Variants in FKBP8 observed in about 807,000 individuals in gnomAD.
FKBP8 encodes the protein peptidyl-prolyl cis-trans isomerase FKBP8.
FKBP8 carries 5 observed loss-of-function variants against 41.7 expected under a neutral mutation model. The observed-to-expected ratio is 0.12, with a 90% CI of 0.06 to 0.25. The LOEUF (loss-of-function observed/expected upper bound fraction) is 0.25. Among genes scored for constraint, FKBP8 ranks in the 10% least tolerant of loss-of-function variants. The pLI is 1.00. For missense variants in FKBP8, 397 were observed against 563.0 expected, an observed-to-expected ratio of 0.71 and a Z score of 2.98; for synonymous variants, 279 against 254.5, an observed-to-expected ratio of 1.10 and a Z score of -0.92.
chr19:18,533,890 T>C (rs1976507560), intron 6 of FKBP8, among the ~76,000 whole-genome samples: 1 of 145,850 alleles, frequency 6.9e-6, no homozygotes, highest in Non-Finnish European at 1.5e-5. Flanking sequence ...CGCCTGATAG[T>C]CCCAGCTACT....
rs373743165 is a variant in FKBP8, at chr19:18,539,587, C to T, written c.426G>A (p.Glu142=). The T allele has an allele frequency of 1.2e-6, 2 of 1,613,156 alleles. No homozygotes were observed. Among genetic ancestry groups the T allele is most frequent in the African/African-American group, 1.3e-5 (1 of 74,954 alleles). The part of the protein sequence containing the change: ...ENGTRVQEEP[E]LVFTLGDCDV... ...CACAGTCACCCAGAGTGAACACCAGCTCCGGCTCCTCCTGCACCCGTGTGC... is the reference window on the plus strand; with the variant it reads ...CACAGTCACCCAGAGTGAACACCAGTTCCGGCTCCTCCTGCACCCGTGTGC... Residue 142 remains glutamate (E), a synonymous_variant, in exon 3 of 9, where the codon GAG becomes GAA. Transcript: ENST00000608443.
intron 6 of FKBP8, among the ~76,000 whole-genome samples, chr19:18,535,514 A>AT (rs1976552495): frequency 6.6e-6 from 1 of 151,954 alleles, no homozygotes; most frequent in Admixed American, 6.6e-5. Flanking sequence ...GCTCACGCCT[A>AT]TAATCCCAGC....
rs779707759 is a variant in FKBP8 at position 18,539,350 on chromosome 19, C to A, written c.551+21G>T. 2.5e-6 allele frequency: 4 copies of A among 1,605,380 alleles called. No homozygotes were observed. The East Asian group carries it at 6.7e-5, about 27-fold the overall frequency. On this transcript the variant is annotated intron_variant, in intron 4 of 8. Coordinates refer to ENST00000608443, the MANE Select transcript of FKBP8 (RefSeq NM_012181.5). ...TCCCCCTCCTGAGACCTGCAGAGAC[C>A]TAAGGGTGGCTGACTCTCACCTGCC... is the stretch of plus-strand genomic sequence containing the variant.
chr19:18,532,051 C>A lies in FKBP8; in HGVS notation c.*118G>T. 2 of 893,962 alleles carry A rather than the reference C, an allele frequency of 2.2e-6. No individual in the cohort carries two copies. 55.4% of individuals were successfully genotyped at this position (893,962 alleles called of 1,614,324 possible). On this transcript the variant is annotated 3_prime_UTR_variant, in exon 9 of 9. Coordinates refer to ENST00000608443, the MANE Select transcript of FKBP8 (RefSeq NM_012181.5). The stretch of plus-strand genomic sequence containing the variant: ...GGCTGCACGACCCCCAATCCTTGCT[C>A]CCCTAACCCGGAGGAGGGGGCCAGA...
rs995245294 is a variant in FKBP8 at position 18,538,998 on chromosome 19, T to A, written c.551+373A>T. ...CCTGGCTAATTTTTTGTATTTTTAG[T>A]AGAGACGGGGTTTCACCGTGCTAGC... On this transcript the variant is annotated intron_variant, in intron 4 of 8. Transcript: ENST00000608443. This position sits in a 1 kb window ranked among gnomAD's most constrained non-coding sequence, Gnocchi z 4.0. 6.6e-6 allele frequency among the ~76,000 whole-genome samples: 1 copy of A among 151,946 alleles called. No individual in the cohort carries two copies. The highest frequency in any genetic ancestry group is 2.4e-5 in the African/African-American group (1 of 41,358).
chr19:18,532,902 ACAGGG>A (rs1976481941), intron 7 of FKBP8, 107 bp from the exon 8 acceptor site: 1 of 1,511,062 alleles, frequency 6.6e-7, no homozygotes, highest in Non-Finnish European at 8.9e-7. Context: ...CTGTTGGGAC[ACAGGG>A]GTCCCATCTG....
At chr19:18,534,800 ATTATT>A (rs1194376338) in intron 6 of FKBP8, among the ~76,000 whole-genome samples, 2 of 150,584 alleles carry the variant, frequency 1.3e-5, no homozygotes, top group African/African-American at 2.4e-5. Context: ...TGTTATTATT[ATTATT>A]TTGAGATGGA....
At position 18,538,664 on chromosome 19, in the gene FKBP8, A is replaced by G. The variant is rs1241275557; in HGVS notation, c.552-228T>C. 6.6e-6 allele frequency among the ~76,000 whole-genome samples: 1 copy of G among 151,972 alleles called. No homozygotes were observed. The highest frequency in any genetic ancestry group is 2.1e-4 in the South Asian group (1 of 4,826). The stretch of plus-strand genomic sequence containing the variant: ...AGCCTCGGTTTTCCTCCTTTTTATT[A>G]AGAGACAGGTTCTCACTCTGTTGCC... On this transcript the variant is annotated intron_variant, in intron 4 of 8. Coordinates refer to ENST00000608443, the MANE Select transcript of FKBP8 (RefSeq NM_012181.5). This position sits in a 1 kb window ranked among gnomAD's most constrained non-coding sequence, Gnocchi z 4.0.
At chr19:18,534,487 C>G (rs924988948) in intron 6 of FKBP8, among the ~76,000 whole-genome samples, 14 of 152,172 alleles carry the variant, frequency 9.2e-5, no homozygotes, top group African/African-American at 3.4e-4. Flanking sequence ...TCCTTCCTGT[C>G]TCAGCTGCAG....
At chr19:18,542,779 C>A in intron 1 of FKBP8, 1 of 670,238 alleles carries the variant, frequency 1.5e-6, no homozygotes, top group Non-Finnish European at 2.3e-6. Flanking sequence ...CTTCCTTGCC[C>A]CAGACCTCCT....
At position 18,537,363 on chromosome 19, in the gene FKBP8, C is replaced by A. The variant is rs1194584486; in HGVS notation, c.945+238G>T. On this transcript the variant is annotated intron_variant, in intron 6 of 8. Coordinates refer to ENST00000608443, the MANE Select transcript of FKBP8 (RefSeq NM_012181.5). This position sits in a 1 kb window ranked among gnomAD's most constrained non-coding sequence, Gnocchi z 4.4. ...CTCAAGAAACAAACAAACAAACAAA[C>A]AAAAAACACTGGGCCAAAGGTTGGG... 1.3e-5 allele frequency among the ~76,000 whole-genome samples: 2 copies of A among 151,834 alleles called. No homozygotes were observed. Among genetic ancestry groups the A allele is most frequent in the Non-Finnish European group, 2.9e-5 (2 of 67,936 alleles).
chr19:18,540,405 A>T (rs1976671294), intron 2 of FKBP8, among the ~76,000 whole-genome samples: 1 of 152,174 alleles, frequency 6.6e-6, no homozygotes, highest in African/African-American at 2.4e-5. Flanking sequence ...GTTTGAGACC[A>T]GCCTGGGCAA....
chr19:18,538,145 G>C lies in FKBP8; in HGVS notation c.772+71C>G, dbSNP rs1337157623. 1 of 1,462,856 alleles carries C rather than the reference G, an allele frequency of 6.8e-7. No homozygotes were observed. Among genetic ancestry groups the C allele is most frequent in the Admixed American group, 1.9e-5 (1 of 51,444 alleles). The allele number at this position is 1,462,856 out of a possible 1,614,324, so 90.6% of individuals were successfully genotyped here. A position where few individuals can be genotyped will look rare whatever the true frequency, so the allele number is the denominator to read the frequency against. On this transcript the variant is annotated intron_variant, in intron 5 of 8. Transcript: ENST00000608443. The surrounding 1 kb of genome is among the most constrained non-coding windows in gnomAD (Gnocchi z 4.0). ...ATATTCTGAGTCTGAGGCTCTCTGGGGCTGGAAGTTTCTGGCACGGAGTGG... is the reference window on the plus strand; with the variant it reads ...ATATTCTGAGTCTGAGGCTCTCTGGCGCTGGAAGTTTCTGGCACGGAGTGG...
chr19:18,532,755 G>A lies in FKBP8; in HGVS notation c.1064C>T (p.Ala355Val), dbSNP rs771523688. ...GGCGGTCTCCGTGCTCCGCTGCGCC[G>A]CATGCTTCTTCACCAGCTTTGAGAG... ...AELSKLVKKH[A>V]AQRSTETALY... The change falls in exon 8 of 9, where the codon GCG (alanine) becomes GTG (valine). Residue 355 changes from alanine to valine, a missense_variant. By Grantham distance (64) the Ala-to-Val change is moderately conservative. Coordinates refer to ENST00000608443, the MANE Select transcript of FKBP8 (RefSeq NM_012181.5). 7.2e-5 allele frequency: 117 copies of A among 1,613,924 alleles called. 1 individual carries two copies. Among genetic ancestry groups the A allele is most frequent in the Non-Finnish European group, 8.1e-5 (96 of 1,180,044 alleles).
rs758522837 is a variant in FKBP8, at chr19:18,537,584, AC to A, written c.945+16del. 1 of 1,568,680 alleles carries A rather than the reference AC, an allele frequency of 6.4e-7. No individual in the cohort carries two copies. Among genetic ancestry groups the A allele is most frequent in the Non-Finnish European group, 8.7e-7 (1 of 1,154,636 alleles). ...CCCAGGCTGAGTGACCCGGCCTGGC[AC>A]CCCGGTGTGGCCTACCTTGCCCTTG... is the stretch of plus-strand genomic sequence containing the variant. On this transcript the variant is annotated intron_variant, in intron 6 of 8. Coordinates refer to ENST00000608443, the MANE Select transcript of FKBP8 (RefSeq NM_012181.5). The surrounding 1 kb of genome is among the most constrained non-coding windows in gnomAD (Gnocchi z 4.4).
At position 18,541,685 on chromosome 19, in the gene FKBP8, T is replaced by G. The variant is rs1363380054; in HGVS notation, c.286A>C (p.Ile96Leu). Residue 96 changes from isoleucine (I) to leucine (L), a missense_variant, in exon 2 of 9, where the codon ATT becomes CTT. Ile to Leu is a conservative substitution (Grantham distance 5). Around this residue, in one of 2 missense-constraint regions of FKBP8, gnomAD observed 172 missense variants for 196.2 expected, o/e 0.88. Transcript: ENST00000608443. ...PAPAPEEWLD[I>L]LGNGLLRKKT... The stretch of plus-strand genomic sequence containing the variant: ...ATCCACCTTTGCTCCTTACCCAGAA[T>G]GTCCAGCCACTCTTCTGGGGCCGGG... 7 of 1,605,848 alleles carry G rather than the reference T, an allele frequency of 4.4e-6. No homozygotes were observed. The highest frequency in any genetic ancestry group is 6.0e-6 in the Non-Finnish European group (7 of 1,174,762).
chr19:18,542,898 C>G, intron 1 of FKBP8: 1 of 1,283,314 alleles, frequency 7.8e-7, no homozygotes, highest in Non-Finnish European at 1.0e-6. Flanking sequence ...CTGCCTGCTC[C>G]TCCCGGGCTC....
chr19:18,534,794 A>G (rs559241850), intron 6 of FKBP8, among the ~76,000 whole-genome samples: 2 of 150,308 alleles, frequency 1.3e-5, no homozygotes, highest in Admixed American at 6.6e-5. Context: ...TACTATTGTT[A>G]TTATTATTAT....
intron 1 of FKBP8, 81 bp from the exon 2 acceptor site, chr19:18,542,076 C>T (rs1199877232): frequency 1.3e-5 from 20 of 1,492,144 alleles, no homozygotes; most frequent in Non-Finnish European, 1.8e-5. Flanking sequence ...CCCACACTGC[C>T]GATCACTTTC....
Sources: gnomAD v4.1 joint callset for allele counts (sites outside exome capture counted in the v4.1 genomes callset) on GRCh38, gnomAD v4.1.1 for gene constraint, gnomAD v4.1.1 regional missense constraint, Gnocchi (gnomAD v3.1) non-coding constraint, MANE v1.5 for transcripts, NCBI Gene and HGNC (gene_info 2026-07-23, HGNC 2026-07-21) for gene names.